The following CACNA2D2 variants were observed in gnomAD, a reference collection of about 807,000 sequenced individuals.
CACNA2D2 encodes the protein calcium voltage-gated channel auxiliary subunit alpha2delta 2.
In CACNA2D2, 48 loss-of-function variants were observed where a neutral mutation model predicts 166.4. The observed-to-expected ratio is 0.29, with a 90% CI of 0.23 to 0.37. CACNA2D2 has a LOEUF of 0.37. Among genes scored for constraint, CACNA2D2 ranks in the 10% least tolerant of loss-of-function variants. CACNA2D2 has a pLI of 1.00. For missense variants in CACNA2D2, 1,122 were observed against 1,433.0 expected (o/e 0.78, Z 3.50); for synonymous variants, 561 against 573.7 (o/e 0.98, Z 0.32).
rs148132200 is a variant in CACNA2D2 at position 50,411,211 on chromosome 3, T to A, written c.406-17043A>T. 4.2e-3 allele frequency among the ~76,000 whole-genome samples: 647 copies of A among 152,328 alleles called. 1 individual carries two copies. Among genetic ancestry groups the A allele is most frequent in the Non-Finnish European group, 6.7e-3 (454 of 68,012 alleles). ...GACCGCTCCTCAAATGTGCCCTCAA[T>A]TTGTTCATTGCTTCACCTCCCTCCC... On this transcript the variant is annotated intron_variant, in intron 3 of 37. Transcript: ENST00000424201.
At chr3:50,444,678 G>A (rs1708761234) in intron 2 of CACNA2D2, among the ~76,000 whole-genome samples, 2 of 152,314 alleles carry the variant, frequency 1.3e-5, no homozygotes, top group African/African-American at 2.4e-5. Flanking sequence ...CAGCACCAAC[G>A]ACAGCCCCAA....
intron 3 of CACNA2D2, among the ~76,000 whole-genome samples, chr3:50,398,927 G>T (rs940600592): frequency 7.2e-5 from 11 of 152,220 alleles, no homozygotes; most frequent in African/African-American, 2.7e-4. Flanking sequence ...ACTCCCCTGG[G>T]AGCAGCCCTG....
chr3:50,382,009 C>CACACAT (rs1705346750), intron 6 of CACNA2D2, among the ~76,000 whole-genome samples: 1 of 151,782 alleles, frequency 6.6e-6, no homozygotes, highest in African/African-American at 2.4e-5. Flanking sequence ...CACACACACA[C>CACACAT]ACACACACAC....
intron 2 of CACNA2D2, among the ~76,000 whole-genome samples, chr3:50,435,148 T>C (rs1406726836): frequency 6.6e-6 from 1 of 151,752 alleles, no homozygotes; most frequent in Non-Finnish European, 1.5e-5. Flanking sequence ...TGTGTGTGTG[T>C]GTGTGTGAGG....
chr3:50,388,134 C>T (rs926087783), intron 4 of CACNA2D2, among the ~76,000 whole-genome samples: 78 of 152,334 alleles, frequency 5.1e-4, no homozygotes, highest in South Asian at 2.7e-3. Context: ...CCAGCCCTGG[C>T]GCCTGCCTCC....
At chr3:50,445,970 G>A (rs1048892155) in intron 2 of CACNA2D2, among the ~76,000 whole-genome samples, 4 of 152,094 alleles carry the variant, frequency 2.6e-5, no homozygotes, top group Non-Finnish European at 5.9e-5. Context: ...CTCTCTCGGT[G>A]TATGCAAAAC....
intron 2 of CACNA2D2, among the ~76,000 whole-genome samples, chr3:50,447,510 A>G (rs563363417): frequency 2.6e-5 from 4 of 152,102 alleles, no homozygotes; most frequent in Non-Finnish European, 5.9e-5. Flanking sequence ...AGGCAGCTCT[A>G]CTTCCTCCTT....
chr3:50,496,648 C>G (rs1411732997), intron 1 of CACNA2D2, among the ~76,000 whole-genome samples: 1 of 152,266 alleles, frequency 6.6e-6, no homozygotes, highest in African/African-American at 2.4e-5. Context: ...TTATCACAGA[C>G]TCCCTGGGGC....
intron 4 of CACNA2D2, among the ~76,000 whole-genome samples, chr3:50,392,413 C>G (rs975618623): frequency 6.6e-6 from 1 of 152,152 alleles, no homozygotes; most frequent in African/African-American, 2.4e-5. Context: ...ACAGCCCCAC[C>G]CACCCTACCT....
At chr3:50,498,192 C>G (rs1698802217) in intron 1 of CACNA2D2, among the ~76,000 whole-genome samples, 2 of 152,178 alleles carry the variant, frequency 1.3e-5, no homozygotes, top group Admixed American at 1.3e-4. Context: ...GCTCAGCCCA[C>G]CTGCCTTGAC....
At chr3:50,397,251 T>C (rs1242621977) in intron 3 of CACNA2D2, among the ~76,000 whole-genome samples, 1 of 152,222 alleles carries the variant, frequency 6.6e-6, no homozygotes, top group Non-Finnish European at 1.5e-5. Context: ...AAAGGATTAC[T>C]TTTAATCCTC....
chr3:50,457,102 T>C (rs1462407152), intron 2 of CACNA2D2, among the ~76,000 whole-genome samples: 8 of 152,052 alleles, frequency 5.3e-5, no homozygotes, highest in Non-Finnish European at 1.2e-4. Flanking sequence ...ATACAAAAAC[T>C]AGCTGGGCAT....
At chr3:50,452,779 C>T (rs2106962568) in intron 2 of CACNA2D2, among the ~76,000 whole-genome samples, 1 of 152,330 alleles carries the variant, frequency 6.6e-6, no homozygotes, top group East Asian at 1.9e-4. Context: ...CAAAGATCCT[C>T]AGGGGGTTAT....
chr3:50,417,455 T>G (rs1180117393), intron 3 of CACNA2D2, among the ~76,000 whole-genome samples: 2 of 152,188 alleles, frequency 1.3e-5, no homozygotes, highest in Non-Finnish European at 2.9e-5. Flanking sequence ...CAGCAGCTGC[T>G]CAGGGTGGCC....
Position 50,365,592 on chromosome 3 carries a change from G to C in CACNA2D2, c.2971+41C>G, listed in dbSNP as rs1704212384. 2 of 1,574,674 alleles carry C rather than the reference G, an allele frequency of 1.3e-6. No homozygotes were observed. The highest frequency in any genetic ancestry group is 2.7e-5 in the African/African-American group (2 of 74,410). On this transcript the variant is annotated intron_variant, in intron 34 of 37. Coordinates refer to ENST00000424201, the MANE Select transcript of CACNA2D2 (RefSeq NM_006030.4). This position sits in a 1 kb window ranked among gnomAD's most constrained non-coding sequence, Gnocchi z 4.5. ...CATGGAGTCGTCTTAGCTCAGATTG[G>C]GGACCCGGACTTGAGGAGGCGCCTC...
chr3:50,469,697 A>G (rs1709983348), intron 2 of CACNA2D2, among the ~76,000 whole-genome samples: 1 of 152,098 alleles, frequency 6.6e-6, no homozygotes, highest in Admixed American at 6.5e-5. Flanking sequence ...GCAGGACAAC[A>G]TGTCCCGGGT....
intron 2 of CACNA2D2, among the ~76,000 whole-genome samples, chr3:50,437,195 G>A (rs1439866861): frequency 6.6e-6 from 1 of 152,144 alleles, no homozygotes; most frequent in Non-Finnish European, 1.5e-5. Context: ...TTCTACTCGA[G>A]GACCCACCAC....
At chr3:50,439,834 G>A (rs530457017) in intron 2 of CACNA2D2, among the ~76,000 whole-genome samples, 1 of 152,342 alleles carries the variant, frequency 6.6e-6, no homozygotes, top group African/African-American at 2.4e-5. Context: ...CTGGGCCAAT[G>A]AGGTAGGGCG....
chr3:50,496,816 G>A (rs748269800), intron 1 of CACNA2D2, among the ~76,000 whole-genome samples: 20 of 152,236 alleles, frequency 1.3e-4, no homozygotes, highest in Admixed American at 3.9e-4. Flanking sequence ...CAGTGCACAC[G>A]AAGAGGGGGC....
Sources: allele counts gnomAD v4.1 joint callset (sites outside exome capture counted in the v4.1 genomes callset), GRCh38; gene constraint gnomAD v4.1.1; non-coding constraint Gnocchi (gnomAD v3.1); transcripts MANE v1.5; gene names NCBI Gene and HGNC (gene_info 2026-07-23, HGNC 2026-07-21).